Variants in NECAB2 observed in about 807,000 individuals in gnomAD.
NECAB2 encodes N-terminal EF-hand calcium-binding protein 2.
Under a neutral mutation model 51.9 loss-of-function variants are expected in NECAB2, and 68 were observed. The observed-to-expected ratio is 1.31, with a 90% confidence interval of 1.08 to 1.60. NECAB2 has a LOEUF of 1.60. Among genes scored for constraint, NECAB2 ranks in the 40% most tolerant of loss-of-function variants. The pLI is 0.00. For missense variants in NECAB2, 854 were observed against 490.3 expected (o/e 1.74, Z -7.00); for synonymous variants, 329 against 203.5 (o/e 1.62, Z -5.25).
intron 5 of NECAB2, among the ~76,000 whole-genome samples, chr16:83,985,012 A>T (rs1368653526): frequency 6.6e-6 from 1 of 152,034 alleles, no homozygotes; most frequent in Non-Finnish European, 1.5e-5. Flanking sequence ...TGACATTTTT[A>T]AAATTTACTT....
rs2084840876 is a variant in NECAB2, at chr16:84,001,764, G to GGA, written c.1041-59_1041-58dup. 7 of 1,571,074 alleles carry GGA rather than the reference G, an allele frequency of 4.5e-6. No homozygotes were observed. In the Admixed American group the frequency reaches 8.4e-5, roughly 19 times the overall value. On this transcript the variant is annotated intron_variant, in intron 11 of 12. Coordinates refer to ENST00000305202, the MANE Select transcript of NECAB2 (RefSeq NM_019065.3). ...TTGGGCTAGAGCTAGGATTAACAGG[G>GGA]GAGCCACACGCGGAGCTCCACTCCT...
Position 84,002,426 on chromosome 16 carries a change from C to A in NECAB2, c.*80C>A. The A allele has an allele frequency of 6.6e-7, 1 of 1,518,862 alleles. No homozygotes were observed. Among genetic ancestry groups the A allele is most frequent in the African/African-American group, 1.4e-5 (1 of 72,548 alleles). 94.1% of individuals were successfully genotyped at this position (1,518,862 alleles called of 1,614,324 possible). A position where few individuals can be genotyped will look rare whatever the true frequency, so the allele number is the denominator to read the frequency against. On this transcript the variant is annotated 3_prime_UTR_variant, in exon 13 of 13. Coordinates refer to ENST00000305202, the MANE Select transcript of NECAB2 (RefSeq NM_019065.3). Reference sequence around the variant, plus strand: ...AATCCCGTTTTTTTCTAGACAGACACTTTGGTGCAGAAGCTTCTTTTCAAT... The same window carrying A: ...AATCCCGTTTTTTTCTAGACAGACAATTTGGTGCAGAAGCTTCTTTTCAAT...
chr16:83,994,399 C>A lies in NECAB2; in HGVS notation c.694C>A (p.Gln232Lys). The change falls in exon 7 of 13, where the codon CAA (glutamine) becomes AAA (lysine). Residue 232 changes from glutamine to lysine, a missense_variant. Gln to Lys is a moderately conservative substitution (Grantham distance 53, BLOSUM62 1). Coordinates refer to ENST00000305202, the MANE Select transcript of NECAB2 (RefSeq NM_019065.3). ...CAACCACAAGCTCATGGCTATGGAA[C>A]AAGGCAAGACCCTTCCATCTGGTGA... ...APNHKLMAMEQGKTLPSATED... is the reference protein window; with the variant it reads ...APNHKLMAMEKGKTLPSATED... 6.2e-7 allele frequency: 1 copy of A among 1,614,178 alleles called. No homozygotes were observed. Among genetic ancestry groups the A allele is most frequent in the Non-Finnish European group, 8.5e-7 (1 of 1,179,998 alleles).
intron 1 of NECAB2, among the ~76,000 whole-genome samples, chr16:83,970,891 G>C (rs113374366): frequency 1.3e-5 from 2 of 152,180 alleles, no homozygotes; most frequent in Non-Finnish European, 2.9e-5. Flanking sequence ...TCAGGGGTTC[G>C]AGACCAGCTT....
At chr16:83,992,362 G>T (rs1224518915) in intron 6 of NECAB2, among the ~76,000 whole-genome samples, 1 of 142,122 alleles carries the variant, frequency 7.0e-6, no homozygotes, top group Admixed American at 6.8e-5. Flanking sequence ...ATCTCCCGGG[G>T]AACACGAGCA....
intron 10 of NECAB2, among the ~76,000 whole-genome samples, chr16:83,999,357 G>T (rs546895753): frequency 5.9e-5 from 9 of 152,318 alleles, no homozygotes; most frequent in African/African-American, 1.7e-4. Context: ...TGAATAAGTG[G>T]GAGGCTCCAG....
chr16:83,986,199 T>C (rs2084552058), intron 5 of NECAB2, among the ~76,000 whole-genome samples: 1 of 152,118 alleles, frequency 6.6e-6, no homozygotes, highest in Admixed American at 6.5e-5. Flanking sequence ...GTGTTTCTAG[T>C]AGAGACGGGT....
chr16:83,989,488 C>A (rs2084595087), intron 5 of NECAB2, among the ~76,000 whole-genome samples: 1 of 152,088 alleles, frequency 6.6e-6, no homozygotes, highest in South Asian at 2.1e-4. Context: ...ATTTGCTTTC[C>A]TTGAGAGCCC....
intron 3 of NECAB2, among the ~76,000 whole-genome samples, 167 bp downstream of exon 3, chr16:83,978,719 G>A (rs879630175): frequency 2.0e-5 from 3 of 151,968 alleles, no homozygotes; most frequent in South Asian, 2.1e-4. Flanking sequence ...TGAATGGGGC[G>A]TGTGCAGATT....
rs1421525479 is a variant in NECAB2 at position 83,981,146 on chromosome 16, C to T, written c.459+19C>T. 28 of 1,516,936 alleles carry T rather than the reference C, an allele frequency of 1.8e-5. No homozygotes were observed. The highest frequency in any genetic ancestry group is 2.1e-5 in the Non-Finnish European group (24 of 1,120,366). 94.0% of individuals were successfully genotyped at this position (1,516,936 alleles called of 1,614,324 possible). On this transcript the variant is annotated intron_variant, in intron 5 of 12. Transcript: ENST00000305202. ...CAAGAAGGTCAGTGGGTGTAGGTGG[C>T]CCCCGGGGTCCAGGGCTCCAGTGCT...
At chr16:83,980,766 C>T (rs1241003875) in intron 3 of NECAB2, 73 bp from the exon 4 acceptor site, 2 of 1,520,462 alleles carry the variant, frequency 1.3e-6, no homozygotes, top group Admixed American at 2.0e-5. Context: ...GTGTGTTTCG[C>T]AGGCTGTGCA....
chr16:83,965,854 T>G, upstream of NECAB2: 1 of 1,612,900 alleles, frequency 6.2e-7, no homozygotes, highest in Non-Finnish European at 8.5e-7. Flanking sequence ...GGAACCCCAT[T>G]GACGTGGACC....
chr16:83,971,024 G>A (rs1360869527), intron 1 of NECAB2, among the ~76,000 whole-genome samples: 3 of 151,986 alleles, frequency 2.0e-5, no homozygotes, highest in African/African-American at 7.3e-5. Flanking sequence ...AACCCGGGAG[G>A]CAGAAGTTGC....
chr16:83,972,147 G>A lies in NECAB2; in HGVS notation c.202-4G>A. ...AGGGCTGACTCCGCCTCTCTTTTCT[G>A]CAGATTTTCCGCCGTGCGGACAAAA... On this transcript the variant is annotated splice_region_variant and splice_polypyrimidine_tract_variant and intron_variant, in intron 1 of 12. Coordinates refer to ENST00000305202, the MANE Select transcript of NECAB2 (RefSeq NM_019065.3). 3.1e-6 allele frequency: 5 copies of A among 1,613,386 alleles called. No homozygotes were observed. Among genetic ancestry groups the A allele is most frequent in the Non-Finnish European group, 2.5e-6 (3 of 1,180,022 alleles).
chr16:83,997,697 G>A (rs545811862), intron 9 of NECAB2, among the ~76,000 whole-genome samples: 2 of 151,626 alleles, frequency 1.3e-5, no homozygotes, highest in East Asian at 3.9e-4. Context: ...GTTTCACCAT[G>A]TTGGTCAGGC....
rs376260533 is a variant in NECAB2 at position 83,994,329 on chromosome 16, C to T, written c.624C>T (p.Ser208=). The change falls in exon 7 of 13, where the codon AGC becomes AGT. Residue 208 remains serine, a synonymous_variant. Coordinates refer to ENST00000305202, the MANE Select transcript of NECAB2 (RefSeq NM_019065.3). The stretch of plus-strand genomic sequence containing the variant: ...AGAACCACATCAAACCCAGCCACAG[C>T]GCGGCACAGACCTGGTGTGGAAGCC... ...LRQNHIKPSH[S]AAQTWCGSPT... 47 of 1,614,218 alleles carry T rather than the reference C, an allele frequency of 2.9e-5. No homozygotes were observed. Among genetic ancestry groups the T allele is most frequent in the East Asian group, 1.8e-4 (8 of 44,890 alleles).
chr16:83,972,713 G>A (rs1014809116), intron 2 of NECAB2, among the ~76,000 whole-genome samples: 1 of 152,162 alleles, frequency 6.6e-6, no homozygotes, highest in Non-Finnish European at 1.5e-5. Context: ...GAAGACCGGG[G>A]CCCTTTTCCC....
At chr16:83,997,853 C>G (rs1387849220) in intron 9 of NECAB2, among the ~76,000 whole-genome samples, 3 of 152,112 alleles carry the variant, frequency 2.0e-5, no homozygotes, top group Admixed American at 1.3e-4. Context: ...ATCAGCCAGA[C>G]AGTGATGTGA....
intron 11 of NECAB2, among the ~76,000 whole-genome samples, chr16:84,001,415 G>C (rs1268598706): frequency 1.3e-5 from 2 of 152,150 alleles, no homozygotes; most frequent in Non-Finnish European, 2.9e-5. Flanking sequence ...ACCCCAGTGG[G>C]AACAGGGGCG....
Sources: allele counts gnomAD v4.1 joint callset (sites outside exome capture counted in the v4.1 genomes callset), GRCh38; gene constraint gnomAD v4.1.1; transcripts MANE v1.5; gene names NCBI Gene and HGNC (gene_info 2026-07-23, HGNC 2026-07-21).